The following RNF31 variants were observed in gnomAD, a reference collection of about 807,000 sequenced individuals.
RNF31 encodes the protein ring finger protein 31.
A neutral mutation model predicts 133.6 loss-of-function variants in RNF31; 38 were observed. The observed-to-expected ratio is 0.28, with a 90% confidence interval of 0.22 to 0.37. The LOEUF (loss-of-function observed/expected upper bound fraction) is 0.37. Among genes scored for constraint, RNF31 ranks in the 10% least tolerant of loss-of-function variants. RNF31 has a pLI of 1.00. For missense variants in RNF31, 1,118 were observed against 1,394.1 expected, an observed-to-expected ratio of 0.80 and a Z score of 3.15; for synonymous variants, 582 against 552.3, an observed-to-expected ratio of 1.05 and a Z score of -0.75.
At chr14:24,148,208 C>G in intron 2 of RNF31, 50 bp from the exon 3 acceptor site, 1 of 1,613,360 alleles carries the variant, frequency 6.2e-7, no homozygotes, top group Non-Finnish European at 8.5e-7. Flanking sequence ...GGGTCCAGCC[C>G]TACTAGGCAG....
rs762506465 is a variant in RNF31 at position 24,150,698 on chromosome 14, A to T, written c.1298A>T (p.Asn433Ile). The stretch of plus-strand genomic sequence containing the variant: ...CCTGGCTGGGTGTGTGTTATGTGCA[A>T]CCGGACTAGTAGCCCCATTCCAGCA... ...SSPGWVCVMC[N>I]RTSSPIPAQH... Residue 433 changes from asparagine to isoleucine, a missense_variant, in exon 8 of 21, where the codon AAC (asparagine) becomes ATC (isoleucine). Asn to Ile is a moderately radical substitution (Grantham distance 149, BLOSUM62 -3). Around this residue, in one of 3 missense-constraint regions of RNF31, gnomAD observed 747 missense variants for 827.9 expected, o/e 0.90. Coordinates refer to ENST00000324103, the MANE Select transcript of RNF31 (RefSeq NM_017999.5). The T allele has an allele frequency of 1.9e-6, 3 of 1,614,000 alleles. No homozygotes were observed. The highest frequency in any genetic ancestry group is 1.3e-5 in the African/African-American group (1 of 74,892).
chr14:24,154,015 A>G (rs2038306077), intron 11 of RNF31, among the ~76,000 whole-genome samples: 1 of 152,076 alleles, frequency 6.6e-6, no homozygotes, highest in African/African-American at 2.4e-5. Context: ...CATTTTTTTG[A>G]GACGGAGTCT....
intron 11 of RNF31, among the ~76,000 whole-genome samples, chr14:24,152,998 G>A (rs1010785313): frequency 1.3e-5 from 2 of 151,716 alleles, no homozygotes; most frequent in Middle Eastern, 3.4e-3. Context: ...GGAGAATGGC[G>A]TGAACTCAGG....
chr14:24,152,647 G>C (rs963587497), intron 11 of RNF31, among the ~76,000 whole-genome samples: 2 of 152,104 alleles, frequency 1.3e-5, no homozygotes, highest in African/African-American at 4.8e-5. Context: ...TCGAGCTCTT[G>C]ACCTCTACAA....
rs891424600 is a variant in RNF31 at position 24,155,379 on chromosome 14, C to T, written c.2305-35C>T. 4 of 1,613,556 alleles carry T rather than the reference C, an allele frequency of 2.5e-6. No individual in the cohort carries two copies. The South Asian group carries it at 4.4e-5, about 18-fold the overall frequency. ...AGGTACCCTGAGCTTTGAACAGGGACCCTCCCACCCACCACCTCTGCATCC... is the reference window on the plus strand; with the variant it reads ...AGGTACCCTGAGCTTTGAACAGGGATCCTCCCACCCACCACCTCTGCATCC... On this transcript the variant is annotated intron_variant, in intron 12 of 20. Transcript: ENST00000324103. The surrounding 1 kb of genome is among the most constrained non-coding windows in gnomAD (Gnocchi z 4.9).
Position 24,157,973 on chromosome 14 carries a change from C to T in RNF31, c.2803C>T (p.Arg935Trp), listed in dbSNP as rs1452274257. Residue 935 changes from arginine (R) to tryptophan (W), a missense_variant, in exon 17 of 21, where the codon CGG becomes TGG. Physicochemically the swap from Arg to Trp is moderately radical, Grantham distance 101 (BLOSUM62 -3). Around this residue, in one of 3 missense-constraint regions of RNF31, gnomAD observed 170 missense variants for 194.5 expected, o/e 0.87. Transcript: ENST00000324103. ...HHPRDCLFYL[R>W]DWTALRLQKL... ...CCCTCGAGACTGCCTCTTCTACCTG[C>T]GGGACTGGACTGCTCTCCGGCTTCA... 4 of 1,614,098 alleles carry T rather than the reference C, an allele frequency of 2.5e-6. No homozygotes were observed. Among genetic ancestry groups the T allele is most frequent in the South Asian group, 2.2e-5 (2 of 91,080 alleles).
chr14:24,155,772 T>C lies in RNF31; in HGVS notation c.2493+80T>C. ...GTTAGACTCAGGGGAGTTTGTGTAC[T>C]GGAGAGCAAAACAGACATGAGCTCT... On this transcript the variant is annotated intron_variant, in intron 14 of 20. Transcript: ENST00000324103. This position sits in a 1 kb window ranked among gnomAD's most constrained non-coding sequence, Gnocchi z 4.9. The C allele has an allele frequency of 2.4e-6, 3 of 1,246,982 alleles. No individual in the cohort carries two copies. The South Asian group carries it at 3.6e-5, about 15-fold the overall frequency. The allele number at this position is 1,246,982 out of a possible 1,614,324, so 77.2% of individuals were successfully genotyped here. A position where few individuals can be genotyped will look rare whatever the true frequency, so the allele number is the denominator to read the frequency against.
At chr14:24,153,139 T>A (rs2038293470) in intron 11 of RNF31, among the ~76,000 whole-genome samples, 1 of 151,614 alleles carries the variant, frequency 6.6e-6, no homozygotes, top group African/African-American at 2.4e-5. Context: ...AGTGCTACTG[T>A]GGCTATGTTT....
rs1369065775 is a variant in RNF31, at chr14:24,151,461, C to G, written c.1738-24C>G. The G allele has an allele frequency of 3.7e-6, 6 of 1,613,584 alleles. No individual in the cohort carries two copies. The highest frequency in any genetic ancestry group is 1.3e-5 in the African/African-American group (1 of 74,928). ...CCTTGCTTGCTTTCCCACTTCATTC[C>G]CCCTTGCCACTCCCATCTTGCAGGT... On this transcript the variant is annotated intron_variant, in intron 9 of 20. Coordinates refer to ENST00000324103, the MANE Select transcript of RNF31 (RefSeq NM_017999.5). This position sits in a 1 kb window ranked among gnomAD's most constrained non-coding sequence, Gnocchi z 5.3.
chr14:24,159,584 CAAAAAAAAAAA>C (rs59295225), intron 18 of RNF31, among the ~76,000 whole-genome samples: 70 of 82,212 alleles, frequency 8.5e-4, no homozygotes, highest in East Asian at 4.5e-3. Context: ...AAATAACAAC[CAAAAAAAAAAA>C]AAAAAAAAAA....
rs2038429723 is a variant in RNF31 at position 24,160,455 on chromosome 14, A to G, written c.3165+48A>G. 1 of 1,593,158 alleles carries G rather than the reference A, an allele frequency of 6.3e-7. No homozygotes were observed. Among genetic ancestry groups the G allele is most frequent in the Non-Finnish European group, 8.6e-7 (1 of 1,165,772 alleles). ...TCTCTTAACCCACCCTACAGAAGTC[A>G]CCTGGTGCTGACTGTGTCTGAGCTC... On this transcript the variant is annotated intron_variant, in intron 20 of 20. Coordinates refer to ENST00000324103, the MANE Select transcript of RNF31 (RefSeq NM_017999.5). The surrounding 1 kb of genome is among the most constrained non-coding windows in gnomAD (Gnocchi z 4.0).
At chr14:24,148,773 T>C in intron 4 of RNF31, 28 bp from the exon 5 acceptor site, 1 of 1,613,974 alleles carries the variant, frequency 6.2e-7, no homozygotes, top group Non-Finnish European at 8.5e-7. Flanking sequence ...CCTAAACCCT[T>C]ATTCATTCCC....
upstream of RNF31, chr14:24,147,310 G>T (rs1038556018): frequency 2.1e-5 from 4 of 191,770 alleles, no homozygotes; most frequent in Non-Finnish European, 4.2e-5. Flanking sequence ...GGAAGGCGGG[G>T]AAGAGCGCTT....
chr14:24,148,995 C>T lies in RNF31; in HGVS notation c.631+119C>T, dbSNP rs2038221644. 5.1e-6 allele frequency: 5 copies of T among 982,258 alleles called. No homozygotes were observed. In the Admixed American group the frequency reaches 7.0e-5, roughly 14 times the overall value. 60.8% of individuals were successfully genotyped at this position (982,258 alleles called of 1,614,324 possible). A position where few individuals can be genotyped will look rare whatever the true frequency, so the allele number is the denominator to read the frequency against. ...TTGTTTGTTTTGAGACGGAGTTTTG[C>T]TCTTGTTGCCCAGGCTGGAGTGCAA... is the stretch of plus-strand genomic sequence containing the variant. On this transcript the variant is annotated intron_variant, in intron 5 of 20. Coordinates refer to ENST00000324103, the MANE Select transcript of RNF31 (RefSeq NM_017999.5).
intron 7 of RNF31, 31 bp from the exon 8 acceptor site, chr14:24,150,567 G>A (rs761470405): frequency 2.5e-6 from 4 of 1,593,230 alleles, no homozygotes; most frequent in Non-Finnish European, 3.4e-6. Flanking sequence ...CAGCCAGCCA[G>A]TCAAAGGGAT....
Position 24,160,467 on chromosome 14 carries a change from CTG to C in RNF31, c.3166-49_3166-48del. On this transcript the variant is annotated intron_variant, in intron 20 of 20. Coordinates refer to ENST00000324103, the MANE Select transcript of RNF31 (RefSeq NM_017999.5). This position sits in a 1 kb window ranked among gnomAD's most constrained non-coding sequence, Gnocchi z 4.0. ...CCCTACAGAAGTCACCTGGTGCTGA[CTG>C]TGTCTGAGCTCCAGGCTTCCAATAT... is the stretch of plus-strand genomic sequence containing the variant. The C allele has an allele frequency of 6.3e-7, 1 of 1,582,884 alleles. No homozygotes were observed. Among genetic ancestry groups the C allele is most frequent in the Non-Finnish European group, 8.6e-7 (1 of 1,159,850 alleles).
chr14:24,147,400 C>T (rs2038182916), upstream of RNF31: 2 of 295,780 alleles, frequency 6.8e-6, no homozygotes, highest in Non-Finnish European at 6.2e-6. Context: ...CCTGGCCCTC[C>T]CTCTTGGCCG....
At chr14:24,147,331 A>T (rs74040014), upstream of RNF31, 484 of 201,164 alleles carry the variant, frequency 2.4e-3, 4 homozygotes, top group African/African-American at 0.011. Flanking sequence ...GACTGAGGGA[A>T]GATGCTGGCG....
Position 24,147,659 on chromosome 14 carries a change from C to T in RNF31, c.-40C>T. The T allele has an allele frequency of 1.5e-6, 2 of 1,373,708 alleles. No homozygotes were observed. Among genetic ancestry groups the T allele is most frequent in the Non-Finnish European group, 1.9e-6 (2 of 1,070,746 alleles). The allele number at this position is 1,373,708 out of a possible 1,614,324, so 85.1% of individuals were successfully genotyped here. A position where few individuals can be genotyped will look rare whatever the true frequency, so the allele number is the denominator to read the frequency against. On this transcript the variant is annotated 5_prime_UTR_variant, in exon 1 of 21. Coordinates refer to ENST00000324103, the MANE Select transcript of RNF31 (RefSeq NM_017999.5). Reference sequence around the variant, plus strand: ...GGGCCGCGCGCTGCCCGCGCCGGGTCCTGGCGGGCGGCGAGGCTGGGGCTG... The same window carrying T: ...GGGCCGCGCGCTGCCCGCGCCGGGTTCTGGCGGGCGGCGAGGCTGGGGCTG...
Sources: allele counts gnomAD v4.1 joint callset (sites outside exome capture counted in the v4.1 genomes callset), GRCh38; gene constraint gnomAD v4.1.1; regional missense constraint gnomAD v4.1.1; non-coding constraint Gnocchi (gnomAD v3.1); transcripts MANE v1.5; gene names NCBI Gene and HGNC (gene_info 2026-07-23, HGNC 2026-07-21).